Variants in SLC36A2 observed in about 807,000 individuals in gnomAD.
The protein encoded by SLC36A2 is solute carrier family 36 member 2, also known as proton-coupled amino acid transporter 2.
A neutral mutation model predicts 42.7 loss-of-function variants in SLC36A2; 39 were observed. That is an observed-to-expected ratio of 0.91 (90% CI 0.71 to 1.19). SLC36A2 has a LOEUF of 1.19. SLC36A2 is among the 50% of genes most tolerant of loss of function. The pLI is 0.00. For missense variants in SLC36A2, 590 were observed against 613.7 expected (o/e 0.96, Z 0.41); for synonymous variants, 237 against 240.8 (o/e 0.98, Z 0.15).
chr5:151,340,218 A>G (rs1377134482), intron 4 of SLC36A2, among the ~76,000 whole-genome samples: 19 of 120,510 alleles, frequency 1.6e-4, no homozygotes, highest in African/African-American at 6.0e-4. Flanking sequence ...AGGAGGAGGG[A>G]GAGGAGGAGG....
At chr5:151,333,162 G>T in intron 7 of SLC36A2, 62 bp downstream of exon 7, 2 of 1,440,068 alleles carry the variant, frequency 1.4e-6, no homozygotes, top group Non-Finnish European at 2.0e-6. Flanking sequence ...AGAGCTCACA[G>T]TTCCTTTCTA....
chr5:151,347,276 A>G, intron 1 of SLC36A2, 21 bp downstream of exon 1: 1 of 1,614,082 alleles, frequency 6.2e-7, no homozygotes, highest in Non-Finnish European at 8.5e-7. Flanking sequence ...AGAAATAGGG[A>G]TGGCAGAAAA....
In SLC36A2 at chr5:151,324,182, G is replaced by A. The variant is rs576131771; in HGVS notation, c.1010+1104C>T. Among the ~76,000 whole-genome samples the A allele has an allele frequency of 1.7e-4, 26 of 152,220 alleles. No homozygotes were observed. The South Asian group carries it at 4.2e-3, about 24-fold the overall frequency. On this transcript the variant is annotated intron_variant, in intron 8 of 9. Transcript: ENST00000335244. ...GTTTGTTTGAGACAGAGTCTCTGCC[G>A]CCCAGGCTGGAGTGCTGTGGTGCTA...
At chr5:151,317,214 G>T in intron 9 of SLC36A2, 126 bp from the exon 10 acceptor site, 1 of 1,214,234 alleles carries the variant, frequency 8.2e-7, no homozygotes, top group Non-Finnish European at 1.2e-6. Flanking sequence ...CACTTTGGGA[G>T]GCCTAGATGG....
At chr5:151,322,401 G>A (rs1755721286) in intron 8 of SLC36A2, among the ~76,000 whole-genome samples, 186 bp from the exon 9 acceptor site, 1 of 152,190 alleles carries the variant, frequency 6.6e-6, no homozygotes, top group African/African-American at 2.4e-5. Flanking sequence ...AAATAGTGCG[G>A]TTCTGGATTC....
In SLC36A2 at chr5:151,343,561, G is replaced by T; in HGVS notation, c.293C>A (p.Ala98Asp). The change falls in exon 3 of 10, where the codon GCC becomes GAC. Residue 98 changes from alanine to aspartate, a missense_variant. Transcript: ENST00000335244. ...GACCAGGATGTGCATACAGTGGCAG[G>T]CAATGAAGCCCATCACCAGCAGACT... is the stretch of plus-strand genomic sequence containing the variant. The part of the protein sequence containing the change: ...PLSLLVMGFI[A>D]CHCMHILVKC... The T allele has an allele frequency of 6.2e-7, 1 of 1,614,192 alleles. No homozygotes were observed. Among genetic ancestry groups the T allele is most frequent in the Non-Finnish European group, 8.5e-7 (1 of 1,180,034 alleles).
chr5:151,337,621 C>G (rs192772553), intron 5 of SLC36A2, among the ~76,000 whole-genome samples: 1 of 152,038 alleles, frequency 6.6e-6, no homozygotes, highest in Non-Finnish European at 1.5e-5. Context: ...GTTTTAAGAG[C>G]CTTCAAAACA....
intron 4 of SLC36A2, among the ~76,000 whole-genome samples, chr5:151,340,429 G>A (rs1386315077): frequency 6.6e-6 from 1 of 152,228 alleles, no homozygotes; most frequent in East Asian, 1.9e-4. Context: ...TTAGGGTCTG[G>A]AACTGTTGAG....
At chr5:151,336,855 A>G (rs1049178829) in intron 5 of SLC36A2, among the ~76,000 whole-genome samples, 1 of 152,186 alleles carries the variant, frequency 6.6e-6, no homozygotes, top group African/African-American at 2.4e-5. Context: ...GGAGGAAAAC[A>G]CAAATGCATT....
At chr5:151,325,140 G>A (rs949986738) in intron 8 of SLC36A2, 146 bp downstream of exon 8, 1 of 927,078 alleles carries the variant, frequency 1.1e-6, no homozygotes, top group African/African-American at 1.6e-5. Context: ...CAGAGAATCT[G>A]GAGACCGTGG....
At chr5:151,340,312 G>T (rs1385858106) in intron 4 of SLC36A2, among the ~76,000 whole-genome samples, 7 of 151,678 alleles carry the variant, frequency 4.6e-5, no homozygotes, top group Admixed American at 3.9e-4. Flanking sequence ...AGAAGACGAG[G>T]AGGAGGAGGA....
At chr5:151,332,729 C>T (rs1341462678) in intron 7 of SLC36A2, among the ~76,000 whole-genome samples, 1 of 152,158 alleles carries the variant, frequency 6.6e-6, no homozygotes, top group Non-Finnish European at 1.5e-5. Flanking sequence ...ATTTATTCCT[C>T]TACATGCTTC....
At chr5:151,324,345 ATTTT>A (rs1204668021) in intron 8 of SLC36A2, among the ~76,000 whole-genome samples, 8 of 146,894 alleles carry the variant, frequency 5.4e-5, no homozygotes, top group African/African-American at 2.0e-4. Flanking sequence ...TTATTTATTT[ATTTT>A]GAGATGGAGT....
rs543010222 is a variant in SLC36A2 at position 151,326,876 on chromosome 5, A to G, written c.844-1424T>C. 8.4e-4 allele frequency among the ~76,000 whole-genome samples: 125 copies of G among 148,218 alleles called. 1 individual carries two copies. Among genetic ancestry groups the G allele is most frequent in the Admixed American group, 1.6e-3 (24 of 14,552 alleles). ...ACCCAGGCTGGAGTGCAGTAGTACA[A>G]TCACAGTTCACTGCAACCTCTGCCT... On this transcript the variant is annotated intron_variant, in intron 7 of 9. Transcript: ENST00000335244.
intron 1 of SLC36A2, among the ~76,000 whole-genome samples, chr5:151,346,948 C>T (rs1415064037): frequency 6.6e-6 from 1 of 152,214 alleles, no homozygotes; most frequent in African/African-American, 2.4e-5. Flanking sequence ...AGGGATTCTA[C>T]CTCTATCCCC....
intron 5 of SLC36A2, among the ~76,000 whole-genome samples, chr5:151,338,404 G>A (rs1158866924): frequency 2.9e-5 from 4 of 137,696 alleles, no homozygotes; most frequent in African/African-American, 1.5e-4. Flanking sequence ...AAGGCTGGAT[G>A]TGGTGGCTCA....
chr5:151,346,567 G>A (rs1369198510), intron 1 of SLC36A2, among the ~76,000 whole-genome samples: 1 of 152,168 alleles, frequency 6.6e-6, no homozygotes, highest in African/African-American at 2.4e-5. Context: ...ATCTAGTGGT[G>A]CAAAAACTTT....
rs4035627 is a variant in SLC36A2 at position 151,318,510 on chromosome 5, TAATA to T, written c.1181-1426_1181-1423del. On this transcript the variant is annotated intron_variant, in intron 9 of 9. Coordinates refer to ENST00000335244, the MANE Select transcript of SLC36A2 (RefSeq NM_181776.3). ...ATATTTTATCTATAATAAAAATAAA[TAATA>T]AATAAAAATATAATAATTATTTATA... Among the ~76,000 whole-genome samples, 71 of 112,094 alleles carry T rather than the reference TAATA, an allele frequency of 6.3e-4. 2 individuals are homozygous for T. Among genetic ancestry groups the T allele is most frequent in the South Asian group, 1.7e-3 (6 of 3,510 alleles). 73.5% of individuals were successfully genotyped at this position (112,094 alleles called of 152,430 possible).
At chr5:151,328,715 A>G (rs1169235034) in intron 7 of SLC36A2, among the ~76,000 whole-genome samples, 2 of 152,164 alleles carry the variant, frequency 1.3e-5, no homozygotes, top group Non-Finnish European at 2.9e-5. Context: ...AGTGTGGGAA[A>G]TCAGTACTGG....
Sources: allele counts gnomAD v4.1 joint callset (sites outside exome capture counted in the v4.1 genomes callset), GRCh38; gene constraint gnomAD v4.1.1; transcripts MANE v1.5; gene names NCBI Gene and HGNC (gene_info 2026-07-23, HGNC 2026-07-21).